Variants in SUGP2 observed in about 807,000 individuals in gnomAD.
The protein encoded by SUGP2 is SURP and G-patch domain-containing protein 2.
In SUGP2, 24 loss-of-function variants were observed where a neutral mutation model predicts 90.5. The observed-to-expected ratio is 0.27, with a 90% CI of 0.19 to 0.37. The LOEUF (loss-of-function observed/expected upper bound fraction) is 0.37, where lower values mean the gene tolerates loss of function less well. Among genes scored for constraint, SUGP2 ranks in the 10% least tolerant of loss-of-function variants. SUGP2 has a pLI of 1.00. For missense variants in SUGP2, 1,233 were observed against 1,363.3 expected (o/e 0.90, Z 1.51); for synonymous variants, 473 against 513.4 (o/e 0.92, Z 1.06).
chr19:19,033,291 C>T, intron 1 of SUGP2, 146 bp downstream of exon 1: 1 of 967,408 alleles, frequency 1.0e-6, no homozygotes, highest in Non-Finnish European at 1.3e-6. Flanking sequence ...GCCACCCAGG[C>T]CAACCCGGCG....
intron 4 of SUGP2, among the ~76,000 whole-genome samples, chr19:19,015,889 T>A (rs747605735): frequency 7.2e-5 from 11 of 152,250 alleles, no homozygotes; most frequent in Admixed American, 7.2e-4. Context: ...ATCTATTCTA[T>A]CAGCCAACCG....
At chr19:19,016,619 C>T (rs956855740) in intron 4 of SUGP2, among the ~76,000 whole-genome samples, 2 of 152,260 alleles carry the variant, frequency 1.3e-5, no homozygotes, top group South Asian at 2.1e-4. Flanking sequence ...AGACCACAGA[C>T]CCTGGATTTG....
At position 19,024,628 on chromosome 19, in the gene SUGP2, G is replaced by A. The variant is rs1249548386; in HGVS notation, c.1720C>T (p.Leu574=). ...TGGCTGATTTCCTTACCATCACTCA[G>A]ACTACTTGGAGCCTTGGCCTGAATT... ...PEIQAKAPSS[L]SDAVPQRADH... is the part of the protein sequence containing the mutation. The change falls in exon 3 of 11, where the codon CTG becomes TTG. Residue 574 remains leucine (L), a synonymous_variant. Transcript: ENST00000452918. 6.2e-7 allele frequency: 1 copy of A among 1,611,566 alleles called. No homozygotes were observed. Among genetic ancestry groups the A allele is most frequent in the African/African-American group, 1.3e-5 (1 of 74,840 alleles).
intron 2 of SUGP2, among the ~76,000 whole-genome samples, chr19:19,030,335 G>C (rs939892132): frequency 2.0e-5 from 3 of 151,640 alleles, no homozygotes; most frequent in Non-Finnish European, 4.4e-5. Flanking sequence ...ACTACAAATA[G>C]AAAAATTAGC....
chr19:19,025,197 G>A lies in SUGP2; in HGVS notation c.1151C>T (p.Thr384Ile), dbSNP rs1372940599. 2 of 1,612,140 alleles carry A rather than the reference G, an allele frequency of 1.2e-6. No homozygotes were observed. Among genetic ancestry groups the A allele is most frequent in the Admixed American group, 1.7e-5 (1 of 59,790 alleles). The change falls in exon 3 of 11, where the codon ACT (threonine) becomes ATT (isoleucine). Residue 384 changes from threonine (T) to isoleucine (I), a missense_variant. By Grantham distance (89) the Thr-to-Ile change is moderately conservative. This residue lies in a region of SUGP2 where 55 missense variants were observed against 82.0 expected (regional missense o/e 0.67). Coordinates refer to ENST00000452918, the MANE Select transcript of SUGP2 (RefSeq NM_001017392.5). ...KPEHRDFCFF[T>I]IKFLKHSALK... ...AGCAGAGTGCTTTAAAAATTTGATA[G>A]TAAAAAAGCAAAAATCTCTGTGCTC... is the stretch of plus-strand genomic sequence containing the variant.
At chr19:19,027,097 T>C (rs1268893286) in intron 2 of SUGP2, among the ~76,000 whole-genome samples, 5 of 151,992 alleles carry the variant, frequency 3.3e-5, no homozygotes, top group Non-Finnish European at 5.9e-5. Flanking sequence ...CTGGGCAACA[T>C]AGCGAGACCC....
intron 1 of SUGP2, 109 bp downstream of exon 1, chr19:19,033,328 G>A (rs1312357084): frequency 2.7e-6 from 3 of 1,096,828 alleles, no homozygotes; most frequent in Non-Finnish European, 3.3e-6. Context: ...CGCAGCCAGA[G>A]GGCCGAGCCT....
intron 3 of SUGP2, among the ~76,000 whole-genome samples, chr19:19,022,440 G>A (rs1262102952): frequency 6.6e-6 from 1 of 152,320 alleles, no homozygotes; most frequent in South Asian, 2.1e-4. Context: ...GAAACCTCTA[G>A]TAAAAGGCAG....
rs754439112 is a variant in SUGP2 at position 19,025,340 on chromosome 19, T to A, written c.1008A>T (p.Ala336=). The A allele has an allele frequency of 1.1e-5, 18 of 1,614,020 alleles. No homozygotes were observed. Among genetic ancestry groups the A allele is most frequent in the Non-Finnish European group, 1.5e-5 (18 of 1,180,032 alleles). Residue 336 remains alanine (A), a synonymous_variant, in exon 3 of 11, where the codon GCA becomes GCT. Coordinates refer to ENST00000452918, the MANE Select transcript of SUGP2 (RefSeq NM_001017392.5). ...SRFGIEIIKW[A]GFHTIKDDIK... is the part of the protein sequence containing the mutation. ...TATCATCTTTTATGGTGTGGAATCCTGCCCATTTGATTATTTCTATCCCAA... is the reference window on the plus strand; with the variant it reads ...TATCATCTTTTATGGTGTGGAATCCAGCCCATTTGATTATTTCTATCCCAA...
chr19:19,031,262 G>T (rs1297615567), intron 1 of SUGP2, among the ~76,000 whole-genome samples, 180 bp from the exon 2 acceptor site: 2 of 152,100 alleles, frequency 1.3e-5, no homozygotes, highest in Non-Finnish European at 2.9e-5. Context: ...GGCTGGGTGT[G>T]GTGGCTCACA....
intron 8 of SUGP2, among the ~76,000 whole-genome samples, chr19:19,000,315 C>T (rs1056036308): frequency 2.0e-5 from 3 of 152,206 alleles, no homozygotes; most frequent in Admixed American, 6.5e-5. Flanking sequence ...CCCAATTCAG[C>T]GGCATCCCCT....
Position 19,025,476 on chromosome 19 carries a change from A to G in SUGP2, c.872T>C (p.Ile291Thr), listed in dbSNP as rs777826481. 2.2e-5 allele frequency: 36 copies of G among 1,614,142 alleles called. No homozygotes were observed. Among genetic ancestry groups the G allele is most frequent in the Admixed American group, 3.3e-5 (2 of 60,016 alleles). ...TLGTNPGTED[I>T]QFPIQKIPLG... is the part of the protein sequence containing the mutation. ...AGGGATCTTCTGAATGGGGAACTGG[A>G]TATCTTCTGTCCCTGGGTTTGTCCC... Residue 291 changes from isoleucine (I) to threonine (T), a missense_variant, in exon 3 of 11, where the codon ATC (isoleucine) becomes ACC (threonine). This residue lies in a region of SUGP2 where 418 missense variants were observed against 399.9 expected (regional missense o/e 1.05). Transcript: ENST00000452918.
chr19:19,008,528 T>C (rs1048780691), intron 5 of SUGP2, 100 bp from the exon 6 acceptor site: 2 of 919,932 alleles, frequency 2.2e-6, no homozygotes, highest in South Asian at 1.3e-5. Context: ...ATGGCCTGCA[T>C]GTCCCCTCCC....
intron 3 of SUGP2, among the ~76,000 whole-genome samples, chr19:19,020,052 C>CAAAA (rs1372384091): frequency 8.3e-5 from 10 of 120,880 alleles, no homozygotes; most frequent in East Asian, 2.3e-4. Flanking sequence ...GACTCCATCA[C>CAAAA]AAAAAAAAAT....
At chr19:19,011,171 CTT>C (rs1275335240) in intron 4 of SUGP2, among the ~76,000 whole-genome samples, 1 of 150,954 alleles carries the variant, frequency 6.6e-6, no homozygotes, top group Non-Finnish European at 1.5e-5. Flanking sequence ...CTTCTAGTGT[CTT>C]TACTTTTTTC....
At chr19:18,994,253 G>T (rs2057480375) in intron 10 of SUGP2, 113 bp downstream of exon 10, 10 of 1,388,852 alleles carry the variant, frequency 7.2e-6, no homozygotes, top group African/African-American at 2.9e-5. Flanking sequence ...GATTTTTTTT[G>T]TGTGTGGCAT....
At chr19:19,015,267 A>T (rs1214378794) in intron 4 of SUGP2, among the ~76,000 whole-genome samples, 1 of 152,166 alleles carries the variant, frequency 6.6e-6, no homozygotes, top group Non-Finnish European at 1.5e-5. Context: ...TAGCCGTGAG[A>T]AGTAGTTTGA....
chr19:19,019,587 C>G (rs1443975072), intron 3 of SUGP2, among the ~76,000 whole-genome samples: 1 of 150,338 alleles, frequency 6.7e-6, no homozygotes, highest in Non-Finnish European at 1.5e-5. Flanking sequence ...ATATAAATAT[C>G]TAGTATAAAA....
chr19:19,015,364 T>C (rs894822683), intron 4 of SUGP2, among the ~76,000 whole-genome samples: 1 of 152,214 alleles, frequency 6.6e-6, no homozygotes, highest in Non-Finnish European at 1.5e-5. Context: ...TTCAATTGAC[T>C]GTTTTGTTAA....
Sources: allele counts gnomAD v4.1 joint callset (sites outside exome capture counted in the v4.1 genomes callset), GRCh38; gene constraint gnomAD v4.1.1; regional missense constraint gnomAD v4.1.1; transcripts MANE v1.5; gene names NCBI Gene and HGNC (gene_info 2026-07-23, HGNC 2026-07-21).